Variants in NOTCH2 observed in about 807,000 individuals in gnomAD.
NOTCH2 encodes notch receptor 2.
A neutral mutation model predicts 235.8 loss-of-function variants in NOTCH2; 29 were observed. The observed-to-expected ratio is 0.12, with a 90% CI of 0.09 to 0.17. The LOEUF is 0.17. Ranked by LOEUF, NOTCH2 falls within the 10% of genes least tolerant of loss-of-function variation. NOTCH2 has a pLI of 1.00. For missense variants in NOTCH2, 2,285 were observed against 3,150.2 expected (o/e 0.73, Z 6.57); for synonymous variants, 1,086 against 1,141.5 (o/e 0.95, Z 0.98).
rs2101148590 is a variant in NOTCH2, at chr1:119,969,696, G to A, written c.923C>T (p.Ala308Val). ...DVDECLLQPN[A>V]CQNGGTCANR... The stretch of plus-strand genomic sequence containing the variant: ...GGCACAGGTGCCCCCATTTTGACAG[G>A]CATTGGGCTGCAGCAGGCATTCATC... The change falls in exon 6 of 34, where the codon GCC becomes GTC. Residue 308 changes from alanine to valine, a missense_variant. Coordinates refer to ENST00000256646, the MANE Select transcript of NOTCH2 (RefSeq NM_024408.4). The A allele has an allele frequency of 6.2e-7, 1 of 1,614,110 alleles. No homozygotes were observed. The highest frequency in any genetic ancestry group is 8.5e-7 in the Non-Finnish European group (1 of 1,179,996).
intron 3 of NOTCH2, among the ~76,000 whole-genome samples, chr1:120,004,091 T>G (rs1193695760): frequency 2.0e-5 from 3 of 151,478 alleles, no homozygotes; most frequent in Admixed American, 2.0e-4. Flanking sequence ...TAATCAAAGA[T>G]GTAGTAATAT....
At chr1:119,967,151 T>C (rs587731973) in intron 8 of NOTCH2, among the ~76,000 whole-genome samples, 6 of 152,186 alleles carry the variant, frequency 3.9e-5, no homozygotes, top group Non-Finnish European at 5.9e-5. Context: ...TTTAAAGGAT[T>C]CTTACAGTAA....
intron 5 of NOTCH2, among the ~76,000 whole-genome samples, chr1:119,976,872 C>G (rs1199170608): frequency 6.6e-6 from 1 of 152,048 alleles, no homozygotes; most frequent in African/African-American, 2.4e-5. Context: ...CTCACTCTCC[C>G]CAACTCCTAC....
rs1650571935 is a variant in NOTCH2, at chr1:119,953,636, T to TC, written c.2271_2272insG (p.Lys758GlufsTer3). On this transcript the variant is annotated frameshift_variant, in exon 14 of 34. Coordinates refer to ENST00000256646, the MANE Select transcript of NOTCH2 (RefSeq NM_024408.4). LOFTEE classifies it high-confidence loss of function. ...CATGGATTCGAAAGGCATTCATTTT[T>TC]GTCCACTTCACAGTTGATGCCAACC... 5 of 1,614,096 alleles carry TC rather than the reference T, an allele frequency of 3.1e-6. No homozygotes were observed. The Admixed American group carries it at 5.0e-5, about 16-fold the overall frequency.
At chr1:119,943,056 A>G (rs1271555253) in intron 17 of NOTCH2, among the ~76,000 whole-genome samples, 1 of 152,020 alleles carries the variant, frequency 6.6e-6, no homozygotes, top group Non-Finnish European at 1.5e-5. Flanking sequence ...TATTTTTAGT[A>G]CAGACCAGGT....
chr1:119,986,954 A>G lies in NOTCH2; in HGVS notation c.874+6T>C, dbSNP rs1352094619. The G allele has an allele frequency of 3.1e-6, 5 of 1,613,388 alleles. No individual in the cohort carries two copies. In the African/African-American group the frequency reaches 6.7e-5, roughly 22 times the overall value. ...CATTCTGGTGGATTCTCCACACTGT[A>G]CATACCTGTCCATTGTGGGGGACAG... On this transcript the variant is annotated splice_donor_region_variant and intron_variant, in intron 5 of 33. Transcript: ENST00000256646.
Position 119,941,605 on chromosome 1 carries a change from C to T in NOTCH2, c.2902G>A (p.Val968Ile), listed in dbSNP as rs1456398532. Residue 968 changes from valine to isoleucine, a missense_variant, in exon 18 of 34, where the codon GTC becomes ATC. Val to Ile is a conservative substitution (Grantham distance 29). Around this residue, in one of 6 missense-constraint regions of NOTCH2, gnomAD observed 1,173 missense variants for 1,515.3 expected, o/e 0.77. Coordinates refer to ENST00000256646, the MANE Select transcript of NOTCH2 (RefSeq NM_024408.4). The part of the protein sequence containing the change: ...CKNGGTCSDY[V>I]NSYTCKCQAG... The stretch of plus-strand genomic sequence containing the variant: ...TGGCACTTGCAAGTGTAACTGTTGA[C>T]GTAGTCAGAGCAGGTCCCTCCATTC... The T allele has an allele frequency of 2.5e-6, 4 of 1,614,152 alleles. No individual in the cohort carries two copies. Among genetic ancestry groups the T allele is most frequent in the South Asian group, 2.2e-5 (2 of 91,084 alleles).
intron 5 of NOTCH2, among the ~76,000 whole-genome samples, chr1:119,980,040 G>C (rs953453059): frequency 3.3e-5 from 5 of 152,078 alleles, no homozygotes; most frequent in Non-Finnish European, 5.9e-5. Context: ...TTATGTTCTC[G>C]CTCTTTCCTC....
At chr1:119,953,718 G>A (rs2101122573) in intron 13 of NOTCH2, 30 bp from the exon 14 acceptor site, 1 of 1,604,698 alleles carries the variant, frequency 6.2e-7, no homozygotes, top group Non-Finnish European at 8.5e-7. Context: ...TTTACTATAG[G>A]AGGTATAAAC....
rs782345291 is a variant in NOTCH2 at position 119,937,389 on chromosome 1, G to C, written c.3415C>G (p.Leu1139Val). 7.4e-6 allele frequency: 12 copies of C among 1,614,002 alleles called. No homozygotes were observed. The highest frequency in any genetic ancestry group is 1.3e-5 in the African/African-American group (1 of 74,928). The change falls in exon 21 of 34, where the codon CTG becomes GTG. Residue 1139 changes from leucine (L) to valine (V), a missense_variant. Leu to Val is a conservative substitution (Grantham distance 32, BLOSUM62 1). Coordinates refer to ENST00000256646, the MANE Select transcript of NOTCH2 (RefSeq NM_024408.4). ...AGNTHYCQCP[L>V]GYTGSYCEEQ... is the part of the protein sequence containing the mutation. ...TCACAGTAGCTCCCAGTATAGCCCA[G>C]GGGGCACTGACAGTAATGCGTGTTG...
In NOTCH2 at chr1:120,037,084, A is replaced by G. The variant is rs587624563; in HGVS notation, c.74-7097T>C. 2.2e-3 allele frequency among the ~76,000 whole-genome samples: 341 copies of G among 152,152 alleles called. 3 individuals are homozygous for G. The highest frequency in any genetic ancestry group is 8.1e-3 in the African/African-American group (336 of 41,494). On this transcript the variant is annotated intron_variant, in intron 1 of 33. Coordinates refer to ENST00000256646, the MANE Select transcript of NOTCH2 (RefSeq NM_024408.4). ...TACTTGTTGCTTTGTAGCTTCTTCAAATAAGCCTCTGTCGTCTATCTCACA... is the reference window on the plus strand; with the variant it reads ...TACTTGTTGCTTTGTAGCTTCTTCAGATAAGCCTCTGTCGTCTATCTCACA...
At chr1:119,959,556 G>A in intron 11 of NOTCH2, 54 bp from the exon 12 acceptor site, 3 of 970,638 alleles carry the variant, frequency 3.1e-6, no homozygotes, top group Non-Finnish European at 5.0e-6. Context: ...AAATACTAAG[G>A]CTTTCTGCTT....
chr1:119,953,313 C>CGCAA (rs1650556903), intron 14 of NOTCH2, among the ~76,000 whole-genome samples: 2 of 143,894 alleles, frequency 1.4e-5, no homozygotes, highest in Non-Finnish European at 3.1e-5. Context: ...AACTCTGTGT[C>CGCAA]AAAAAAAAAA....
intron 1 of NOTCH2, among the ~76,000 whole-genome samples, chr1:120,059,968 TAC>T (rs1655253674): frequency 1.0e-5 from 1 of 99,984 alleles, no homozygotes; most frequent in Admixed American, 1.2e-4. Flanking sequence ...TGATTTACGA[TAC>T]AGTCAGATAA....
At chr1:119,921,876 T>C (rs1297868012) in intron 28 of NOTCH2, 67 bp from the exon 29 acceptor site, 32 of 1,312,424 alleles carry the variant, frequency 2.4e-5, no homozygotes, top group Non-Finnish European at 3.3e-5. Context: ...TTTTCAACAC[T>C]TTCCACCATG....
At position 119,913,410 on chromosome 1, in the gene NOTCH2, A is replaced by C; in HGVS notation, c.*1896T>G. 1 of 233,266 alleles carries C rather than the reference A, an allele frequency of 4.3e-6. No homozygotes were observed. The highest frequency in any genetic ancestry group is 2.2e-5 in the African/African-American group (1 of 45,450). The allele number at this position is 233,266 out of a possible 1,614,324, so 14.4% of individuals were successfully genotyped here. A position where few individuals can be genotyped will look rare whatever the true frequency, so the allele number is the denominator to read the frequency against. Reference sequence around the variant, plus strand: ...ACTGATGCATACTTGCAGCCATAGAAGGAATGAGAACTGTCATTCAAACCA... The same window carrying C: ...ACTGATGCATACTTGCAGCCATAGACGGAATGAGAACTGTCATTCAAACCA... On this transcript the variant is annotated 3_prime_UTR_variant, in exon 34 of 34. Coordinates refer to ENST00000256646, the MANE Select transcript of NOTCH2 (RefSeq NM_024408.4).
chr1:119,922,314 G>A lies in NOTCH2; in HGVS notation c.5135C>T (p.Pro1712Leu). 1 of 1,614,146 alleles carries A rather than the reference G, an allele frequency of 6.2e-7. No homozygotes were observed. The highest frequency in any genetic ancestry group is 8.5e-7 in the Non-Finnish European group (1 of 1,180,030). The change falls in exon 28 of 34, where the codon CCT becomes CTT. Residue 1712 changes from proline (P) to leucine (L), a missense_variant. Transcript: ENST00000256646. ...RKRKHGSLWL[P>L]EGFTLRRDAS... Reference sequence around the variant, plus strand: ...ATCTCGGCGAAGAGTGAAACCTTCAGGCAGCCAGAGAGAGCCATGCTTACG... The same window carrying A: ...ATCTCGGCGAAGAGTGAAACCTTCAAGCAGCCAGAGAGAGCCATGCTTACG...
At chr1:119,986,854 T>A in intron 5 of NOTCH2, 106 bp downstream of exon 5, 7 of 1,420,812 alleles carry the variant, frequency 4.9e-6, no homozygotes, top group Non-Finnish European at 6.9e-6. Flanking sequence ...CACATACTGG[T>A]TCCAGAGCAG....
rs1194760996 is a variant in NOTCH2 at position 119,916,615 on chromosome 1, C to T, written c.6107G>A (p.Arg2036Gln). ...AKILLDHFAN[R>Q]DITDHMDRLP... ...ACGATCCATATGGTCTGTGATGTCT[C>T]GATTGGCAAAATGGTCTAACAGGAT... Residue 2036 changes from arginine to glutamine, a missense_variant, in exon 34 of 34, where the codon CGA becomes CAA. Arg to Gln is a conservative substitution (Grantham distance 43). Transcript: ENST00000256646. The T allele has an allele frequency of 8.1e-6, 13 of 1,614,020 alleles. No individual in the cohort carries two copies. The highest frequency in any genetic ancestry group is 5.5e-5 in the South Asian group (5 of 91,084).
Sources: gnomAD v4.1 joint callset for allele counts (sites outside exome capture counted in the v4.1 genomes callset) on GRCh38, gnomAD v4.1.1 for gene constraint, gnomAD v4.1.1 regional missense constraint, MANE v1.5 for transcripts, NCBI Gene and HGNC (gene_info 2026-07-23, HGNC 2026-07-21) for gene names.